STPG2: variants seen among roughly 807,000 people sequenced by gnomAD.
The protein encoded by STPG2 is sperm tail PG-rich repeat containing 2.
A neutral mutation model predicts 54.2 loss-of-function variants in STPG2; 56 were observed. The observed-to-expected ratio is 1.03, with a 90% CI of 0.83 to 1.29. STPG2 has a LOEUF of 1.29. Among genes scored for constraint, STPG2 ranks in the 50% most tolerant of loss-of-function variants. STPG2 has a pLI of 0.00. For synonymous variants in STPG2, 200 were observed against 181.8 expected (o/e 1.10, Z -0.81); for missense variants, 596 against 544.9 (o/e 1.09, Z -0.93).
chr4:97,703,208 G>A (rs1723830215), intron 10 of STPG2, among the ~76,000 whole-genome samples: 1 of 151,718 alleles, frequency 6.6e-6, no homozygotes, highest in African/African-American at 2.4e-5. Context: ...AGGACTATCA[G>A]TGTTCTCCAT....
At position 97,545,706 on chromosome 4, in the gene STPG2, T is replaced by G. The variant is rs535548359; in HGVS notation, c.462+166993A>C. 4.1e-3 allele frequency among the ~76,000 whole-genome samples: 630 copies of G among 152,206 alleles called. 3 individuals are homozygous for G. The highest frequency in any genetic ancestry group is 0.02 in the South Asian group (98 of 4,828). ...TAAAAAATAATTATTTTAATTTTCT[T>G]GAGATTAGGGAAATTGGTTGAATTC... On this transcript the variant is annotated intron_variant, in intron 4 of 4. Coordinates refer to the STPG2 transcript ENST00000522676.
chr4:97,530,105 G>C (rs1356398146), intron 4 of STPG2, among the ~76,000 whole-genome samples: 2 of 152,016 alleles, frequency 1.3e-5, no homozygotes, highest in Non-Finnish European at 2.9e-5. Flanking sequence ...TTTAATCCTT[G>C]ATTTTACAAT....
In STPG2 at chr4:97,878,275, C is replaced by G. The variant is rs112201713; in HGVS notation, c.1045-37343G>C. ...TTCTGAGGTCTGGAGTACAATGGAT[C>G]TCTTTTCACAGCTCCACAAGACAGT... On this transcript the variant is annotated intron_variant, in intron 8 of 10. Coordinates refer to ENST00000295268, the MANE Select transcript of STPG2 (RefSeq NM_174952.3). 5.6e-3 allele frequency among the ~76,000 whole-genome samples: 859 copies of G among 152,250 alleles called. 5 individuals are homozygous for G. The highest frequency in any genetic ancestry group is 0.02 in the Middle Eastern group (6 of 294).
chr4:97,930,143 C>T (rs541031638), intron 8 of STPG2, among the ~76,000 whole-genome samples: 2 of 152,260 alleles, frequency 1.3e-5, no homozygotes, highest in East Asian at 3.9e-4. Context: ...GTAATCTACC[C>T]ACCTCAGCCT....
chr4:97,557,056 C>T (rs1273194378), downstream of STPG2, among the ~76,000 whole-genome samples: 1 of 152,206 alleles, frequency 6.6e-6, no homozygotes, highest in Admixed American at 6.5e-5. Flanking sequence ...TGGCACACGC[C>T]TGTAGTCCCA....
intron 4 of STPG2, among the ~76,000 whole-genome samples, chr4:97,499,977 T>A (rs1355464551): frequency 6.6e-6 from 1 of 151,950 alleles, no homozygotes; most frequent in Non-Finnish European, 1.5e-5. Flanking sequence ...TTACATGCAG[T>A]GAGAAGTGAA....
intron 9 of STPG2, among the ~76,000 whole-genome samples, chr4:97,829,773 T>C (rs935213895): frequency 1.1e-4 from 17 of 151,828 alleles, no homozygotes; most frequent in Non-Finnish European, 2.4e-4. Context: ...GAAAGGAATA[T>C]CAGAGATTGA....
chr4:98,109,134 A>C (rs1033393109), intron 4 of STPG2, 59 bp downstream of exon 4: 2 of 1,086,066 alleles, frequency 1.8e-6, no homozygotes, highest in African/African-American at 3.2e-5. Flanking sequence ...AGTCTGAATT[A>C]TTAAAATACT....
At chr4:98,103,971 A>T (rs187221923) in intron 5 of STPG2, among the ~76,000 whole-genome samples, 83 of 152,144 alleles carry the variant, frequency 5.5e-4, no homozygotes, top group African/African-American at 1.9e-3. Flanking sequence ...TCCATTGGTA[A>T]TTTTTCTCCA....
intron 4 of STPG2, among the ~76,000 whole-genome samples, chr4:97,449,283 G>C (rs1054310121): frequency 3.9e-5 from 6 of 152,090 alleles, no homozygotes; most frequent in Admixed American, 3.9e-4. Context: ...AATGAAAGCA[G>C]ATATTGACTT....
intron 8 of STPG2, among the ~76,000 whole-genome samples, chr4:97,941,727 A>C (rs954614461): frequency 1.3e-5 from 2 of 152,072 alleles, no homozygotes; most frequent in Non-Finnish European, 2.9e-5. Context: ...GTAAATAATA[A>C]AATTAATTCC....
At position 97,858,070 on chromosome 4, in the gene STPG2, A is replaced by G. The variant is rs1729389893; in HGVS notation, c.1045-17138T>C. ...CTATAAAATAGTCTCAAACGGGCAA[A>G]TCTAAGAGTTATTGGCCATACAGAG... is the stretch of plus-strand genomic sequence containing the variant. On this transcript the variant is annotated intron_variant, in intron 8 of 10. Transcript: ENST00000295268. 2.0e-5 allele frequency among the ~76,000 whole-genome samples: 3 copies of G among 152,292 alleles called. No homozygotes were observed. The South Asian group carries it at 6.2e-4, about 32-fold the overall frequency.
chr4:98,000,569 T>G (rs1338747060), intron 5 of STPG2, among the ~76,000 whole-genome samples: 1 of 152,152 alleles, frequency 6.6e-6, no homozygotes, highest in Non-Finnish European at 1.5e-5. Context: ...GCAACGTAAA[T>G]TTTGGTTAAT....
intron 10 of STPG2, among the ~76,000 whole-genome samples, chr4:97,634,116 G>T (rs1034063903): frequency 6.6e-6 from 1 of 152,110 alleles, no homozygotes. Context: ...AAGAGAGCAG[G>T]GGTTCTCCCA....
chr4:97,668,609 A>G (rs1722596472), intron 10 of STPG2, among the ~76,000 whole-genome samples: 3 of 151,394 alleles, frequency 2.0e-5, no homozygotes. Context: ...CAGAAATGAG[A>G]ACACGGTCAA....
At chr4:97,488,487 A>G (rs75372941) in intron 4 of STPG2, among the ~76,000 whole-genome samples, 7,874 of 151,798 alleles carry the variant, frequency 0.052, 244 homozygotes, top group Middle Eastern at 0.065. Context: ...GTGTAAATAT[A>G]GTATTGTTCT....
intron 4 of STPG2, among the ~76,000 whole-genome samples, chr4:97,530,410 C>T (rs758137209): frequency 6.6e-6 from 1 of 152,148 alleles, no homozygotes; most frequent in Non-Finnish European, 1.5e-5. Context: ...TGAGTCTATA[C>T]ACTGACATGA....
At chr4:97,867,726 C>A (rs1210552917) in intron 8 of STPG2, among the ~76,000 whole-genome samples, 4 of 152,046 alleles carry the variant, frequency 2.6e-5, no homozygotes, top group African/African-American at 9.7e-5. Flanking sequence ...TTCCCAAGCT[C>A]TTCTGTTTTC....
intron 5 of STPG2, among the ~76,000 whole-genome samples, chr4:97,989,346 A>G (rs1281978701): frequency 6.6e-6 from 1 of 152,112 alleles, no homozygotes; most frequent in Non-Finnish European, 1.5e-5. Context: ...TTCTCCCTAT[A>G]CAGTACTCCT....
Sources: allele counts gnomAD v4.1 joint callset (sites outside exome capture counted in the v4.1 genomes callset), GRCh38; gene constraint gnomAD v4.1.1; transcripts MANE v1.5; gene names NCBI Gene and HGNC (gene_info 2026-07-23, HGNC 2026-07-21).